The following LMX1A variants were observed in gnomAD, a reference collection of about 807,000 sequenced individuals.
LMX1A encodes the protein LIM homeobox transcription factor 1 alpha, also known as LIM homeobox transcription factor 1-alpha.
Under a neutral mutation model 49.1 loss-of-function variants are expected in LMX1A, and 15 were observed. The observed-to-expected ratio is 0.31, with a 90% CI of 0.20 to 0.47. The LOEUF (loss-of-function observed/expected upper bound fraction) is 0.47. LMX1A is among the 20% of genes least tolerant of loss of function. The pLI is 1.00. For missense variants in LMX1A, 372 were observed against 475.8 expected, an observed-to-expected ratio of 0.78 and a Z score of 2.03; for synonymous variants, 167 against 185.7, an observed-to-expected ratio of 0.90 and a Z score of 0.82.
At chr1:165,298,130 G>T (rs1316057874) in intron 3 of LMX1A, among the ~76,000 whole-genome samples, 1 of 152,206 alleles carries the variant, frequency 6.6e-6, no homozygotes, top group South Asian at 2.1e-4. Flanking sequence ...ATCTCCTTGG[G>T]TGCAAGTACC....
chr1:165,264,067 C>A (rs1189015840), intron 3 of LMX1A, among the ~76,000 whole-genome samples: 1 of 152,112 alleles, frequency 6.6e-6, no homozygotes, highest in East Asian at 1.9e-4. Flanking sequence ...GATCAACAAT[C>A]CAGGATGAGT....
intron 3 of LMX1A, among the ~76,000 whole-genome samples, chr1:165,329,804 T>C (rs1162743229): frequency 1.3e-5 from 2 of 152,320 alleles, no homozygotes; most frequent in Non-Finnish European, 1.5e-5. Context: ...AAATAATTTA[T>C]AGAGTTATAG....
At chr1:165,243,828 T>C (rs889358786) in intron 4 of LMX1A, among the ~76,000 whole-genome samples, 2 of 152,254 alleles carry the variant, frequency 1.3e-5, no homozygotes, top group African/African-American at 4.8e-5. Context: ...TTGGTCTTCA[T>C]CTAGTTTCTT....
intron 3 of LMX1A, 41 bp downstream of exon 3, chr1:165,353,035 T>G (rs370693219): frequency 1.9e-6 from 3 of 1,591,302 alleles, no homozygotes; most frequent in Non-Finnish European, 2.6e-6. Context: ...CGCACACTGA[T>G]GCCAGTGCGC....
intron 3 of LMX1A, among the ~76,000 whole-genome samples, chr1:165,332,086 T>C (rs902473872): frequency 6.6e-6 from 1 of 152,104 alleles, no homozygotes; most frequent in African/African-American, 2.4e-5. Context: ...TTTAGGGAGG[T>C]ATATTGTAAT....
At chr1:165,204,955 G>A (rs1651013310) in intron 8 of LMX1A, among the ~76,000 whole-genome samples, 1 of 152,094 alleles carries the variant, frequency 6.6e-6, no homozygotes. Flanking sequence ...AATGTTTGCT[G>A]AATGTGTGAT....
At chr1:165,335,345 G>A (rs1655866196) in intron 3 of LMX1A, among the ~76,000 whole-genome samples, 1 of 152,090 alleles carries the variant, frequency 6.6e-6, no homozygotes, top group Admixed American at 6.5e-5. Flanking sequence ...AATTGTTATA[G>A]ATACATTTGA....
chr1:165,229,030 T>G (rs1359882297), intron 4 of LMX1A, among the ~76,000 whole-genome samples: 1 of 152,164 alleles, frequency 6.6e-6, no homozygotes, highest in Non-Finnish European at 1.5e-5. Context: ...AGAAATGATC[T>G]CTGCAGCCTG....
intron 3 of LMX1A, among the ~76,000 whole-genome samples, chr1:165,303,399 G>A (rs1273771490): frequency 3.9e-5 from 6 of 152,194 alleles, no homozygotes; most frequent in East Asian, 3.9e-4. Flanking sequence ...GGCTGGGAAC[G>A]CTTCATGGTT....
At chr1:165,329,202 A>G (rs1454757466) in intron 3 of LMX1A, among the ~76,000 whole-genome samples, 1 of 152,168 alleles carries the variant, frequency 6.6e-6, no homozygotes. Context: ...ACACTTATAA[A>G]ATCATCAGCT....
At chr1:165,339,531 TGAA>T (rs1446574591) in intron 3 of LMX1A, among the ~76,000 whole-genome samples, 4 of 152,176 alleles carry the variant, frequency 2.6e-5, no homozygotes, top group Non-Finnish European at 5.9e-5. Context: ...GACTGGTATC[TGAA>T]GAAGAAGGAA....
At chr1:165,266,473 T>C (rs765971133) in intron 3 of LMX1A, among the ~76,000 whole-genome samples, 2 of 151,982 alleles carry the variant, frequency 1.3e-5, no homozygotes, top group Admixed American at 6.6e-5. Flanking sequence ...AAAGGCTAGA[T>C]AGGTCAGAGA....
intron 3 of LMX1A, among the ~76,000 whole-genome samples, chr1:165,288,559 C>A (rs929798344): frequency 6.6e-6 from 1 of 152,094 alleles, no homozygotes; most frequent in Admixed American, 6.6e-5. Context: ...AGCCAAGATG[C>A]GGTTAAAGAT....
chr1:165,318,999 T>TCTCTCACA lies in LMX1A; in HGVS notation c.263+34076_263+34077insTGTGAGAG, dbSNP rs1444303214. On this transcript the variant is annotated intron_variant, in intron 3 of 8. Coordinates refer to ENST00000342310, the MANE Select transcript of LMX1A (RefSeq NM_177398.4). ...CTGAGATCTCCTCTCTCTCTCTCTC[T>TCTCTCACA]CACACACACACACACACACACACAC... Among the ~76,000 whole-genome samples, 756 of 117,770 alleles carry TCTCTCACA rather than the reference T, an allele frequency of 6.4e-3. 10 individuals are homozygous for TCTCTCACA. Among genetic ancestry groups the TCTCTCACA allele is most frequent in the African/African-American group, 0.025 (706 of 28,522 alleles). 77.3% of individuals were successfully genotyped at this position (117,770 alleles called of 152,430 possible).
intron 3 of LMX1A, among the ~76,000 whole-genome samples, chr1:165,291,914 T>C (rs1221599791): frequency 6.6e-6 from 1 of 151,622 alleles, no homozygotes; most frequent in Non-Finnish European, 1.5e-5. Context: ...ATACAAAAAT[T>C]AGCCGGGCAT....
chr1:165,236,192 G>C (rs1486358614), intron 4 of LMX1A, among the ~76,000 whole-genome samples: 1 of 152,198 alleles, frequency 6.6e-6, no homozygotes, highest in Non-Finnish European at 1.5e-5. Context: ...CAAGGTAACG[G>C]GTGATTCCCA....
At position 165,234,548 on chromosome 1, in the gene LMX1A, C is replaced by G. The variant is rs114100740; in HGVS notation, c.496+14860G>C. On this transcript the variant is annotated intron_variant, in intron 4 of 8. Coordinates refer to ENST00000342310, the MANE Select transcript of LMX1A (RefSeq NM_177398.4). ...AGGTGGTTTCCATTGCTCTTGTAAT[C>G]ACTAGTATCTAACCCAGAGTCTGAC... is the stretch of plus-strand genomic sequence containing the variant. Among the ~76,000 whole-genome samples, 1,120 of 152,260 alleles carry G rather than the reference C, an allele frequency of 7.4e-3. 10 individuals are homozygous for G. Among genetic ancestry groups the G allele is most frequent in the African/African-American group, 0.025 (1,020 of 41,528 alleles).
intron 4 of LMX1A, chr1:165,218,598 G>C (rs1478271162): frequency 6.6e-6 from 1 of 152,282 alleles, no homozygotes; most frequent in Non-Finnish European, 1.5e-5. Flanking sequence ...TTCAGCAGGG[G>C]CAGACCTGCC....
chr1:165,286,468 GT>G (rs1279149003), intron 3 of LMX1A, among the ~76,000 whole-genome samples: 2 of 152,128 alleles, frequency 1.3e-5, no homozygotes, highest in African/African-American at 2.4e-5. Context: ...AAGACCACAG[GT>G]TTCAGAACCA....
Sources: allele counts gnomAD v4.1 joint callset (sites outside exome capture counted in the v4.1 genomes callset), GRCh38; gene constraint gnomAD v4.1.1; transcripts MANE v1.5; gene names NCBI Gene and HGNC (gene_info 2026-07-23, HGNC 2026-07-21).